The following CLEC17A variants were observed in gnomAD, a reference collection of about 807,000 sequenced individuals.
CLEC17A encodes the protein C-type lectin domain containing 17A, also known as C-type lectin domain family 17, member A.
CLEC17A carries 37 observed loss-of-function variants against 61.3 expected under a neutral mutation model. That is an observed-to-expected ratio of 0.60 (90% CI 0.46 to 0.79). The LOEUF is 0.79. Ranked by LOEUF, CLEC17A falls within the 30% of genes least tolerant of loss-of-function variation. The pLI, the probability that CLEC17A is intolerant of heterozygous loss-of-function variation, is 0.00. For missense variants in CLEC17A, 418 were observed against 464.7 expected (o/e 0.90, Z 0.92); for synonymous variants, 168 against 164.9 (o/e 1.02, Z -0.14).
intron 2 of CLEC17A, among the ~76,000 whole-genome samples, chr19:14,584,893 G>A (rs2074251172): frequency 6.6e-6 from 1 of 151,482 alleles, no homozygotes; most frequent in African/African-American, 2.4e-5. Context: ...AACCTGGCAA[G>A]GACTCTGTTC....
chr19:14,597,613 T>C (rs929494197), intron 10 of CLEC17A, among the ~76,000 whole-genome samples: 3 of 152,106 alleles, frequency 2.0e-5, no homozygotes, highest in Non-Finnish European at 4.4e-5. Context: ...TGGTGTGTGC[T>C]TGTCATCCCA....
In CLEC17A at chr19:14,610,712, A is replaced by G. The variant is rs2075023560; in HGVS notation, c.*516A>G. The G allele has an allele frequency of 6.4e-6, 1 of 155,808 alleles. No individual in the cohort carries two copies. The highest frequency in any genetic ancestry group is 2.4e-5 in the African/African-American group (1 of 41,412). 9.7% of individuals were successfully genotyped at this position (155,808 alleles called of 1,614,324 possible). ...TTTTTTGTAGCATTTAAAGAGAGGG[A>G]GTCTCACTATGTTGCCCAGGCCAGT... is the stretch of plus-strand genomic sequence containing the variant. On this transcript the variant is annotated 3_prime_UTR_variant, in exon 14 of 14. Coordinates refer to ENST00000417570, the MANE Select transcript of CLEC17A (RefSeq NM_001204118.2).
intron 8 of CLEC17A, among the ~76,000 whole-genome samples, chr19:14,596,232 C>A (rs1299985153): frequency 6.6e-6 from 1 of 151,976 alleles, no homozygotes; most frequent in Non-Finnish European, 1.5e-5. Context: ...AAGAACAAAG[C>A]TGTGTCCAAG....
At chr19:14,584,309 G>A (rs1460498054) in intron 2 of CLEC17A, 1 of 152,114 alleles carries the variant, frequency 6.6e-6, no homozygotes, top group Non-Finnish European at 1.5e-5. Context: ...GGAGCAGTTC[G>A]ACACCCCCAA....
At chr19:14,593,748 C>A (rs1025510891) in intron 4 of CLEC17A, among the ~76,000 whole-genome samples, 3 of 149,900 alleles carry the variant, frequency 2.0e-5, no homozygotes, top group Admixed American at 2.0e-4. Flanking sequence ...ATCACGAGGT[C>A]AGGAGATTGA....
chr19:14,592,425 T>C, intron 4 of CLEC17A, 67 bp downstream of exon 4: 3 of 1,598,554 alleles, frequency 1.9e-6, no homozygotes, highest in Non-Finnish European at 2.6e-6. Context: ...AGGCATTGGC[T>C]GGGCATTGTA....
At chr19:14,588,886 G>T (rs2074352632) in intron 3 of CLEC17A, among the ~76,000 whole-genome samples, 1 of 151,862 alleles carries the variant, frequency 6.6e-6, no homozygotes, top group African/African-American at 2.4e-5. Flanking sequence ...CCAGAAATAT[G>T]GTGGGACTTG....
At chr19:14,601,376 A>C (rs2074713264) in intron 12 of CLEC17A, among the ~76,000 whole-genome samples, 1 of 152,176 alleles carries the variant, frequency 6.6e-6, no homozygotes, top group Non-Finnish European at 1.5e-5. Flanking sequence ...CCTCCGTGCA[A>C]CCAGAAGGAG....
intron 10 of CLEC17A, among the ~76,000 whole-genome samples, chr19:14,598,321 TCTCTCA>T (rs1295655133): frequency 6.1e-5 from 9 of 148,334 alleles, no homozygotes; most frequent in African/African-American, 2.4e-4. Context: ...TCTCTCTCTC[TCTCTCA>T]CTATCTCTTT....
chr19:14,608,634 T>A (rs905269721), intron 13 of CLEC17A, among the ~76,000 whole-genome samples: 1 of 131,394 alleles, frequency 7.6e-6, no homozygotes, highest in Admixed American at 7.1e-5. Context: ...AAGAATTTTT[T>A]TTTTTTTTTT....
chr19:14,604,334 A>C (rs10401455), intron 12 of CLEC17A, among the ~76,000 whole-genome samples: 41,092 of 151,806 alleles, frequency 0.27, 5,784 homozygotes, highest in South Asian at 0.31. Context: ...CACATTTATT[A>C]TTTCCTTCCC....
At chr19:14,598,162 A>G (rs574647994) in intron 10 of CLEC17A, among the ~76,000 whole-genome samples, 2 of 152,150 alleles carry the variant, frequency 1.3e-5, no homozygotes, top group Non-Finnish European at 2.9e-5. Context: ...GCATTCAAGG[A>G]TCCACATATT....
intron 3 of CLEC17A, among the ~76,000 whole-genome samples, chr19:14,590,234 C>T (rs2074375797): frequency 6.6e-6 from 1 of 151,682 alleles, no homozygotes; most frequent in South Asian, 2.1e-4. Context: ...CCCTTAACAT[C>T]TTGTTACAAA....
chr19:14,594,720 C>A, intron 6 of CLEC17A, 38 bp downstream of exon 6: 1 of 1,614,006 alleles, frequency 6.2e-7, no homozygotes, highest in Non-Finnish European at 8.5e-7. Flanking sequence ...GCTCACCTGG[C>A]TGAAGCCCTT....
chr19:14,602,121 A>C (rs1408950968), intron 12 of CLEC17A, among the ~76,000 whole-genome samples: 1 of 151,978 alleles, frequency 6.6e-6, no homozygotes, highest in Non-Finnish European at 1.5e-5. Flanking sequence ...TTGTAGAGAC[A>C]GGGTCTTGCT....
chr19:14,605,879 T>C (rs1421902061), intron 12 of CLEC17A, among the ~76,000 whole-genome samples: 1 of 152,050 alleles, frequency 6.6e-6, no homozygotes, highest in Non-Finnish European at 1.5e-5. Context: ...GCTGGGACTA[T>C]AGACACGCAC....
chr19:14,604,939 G>A (rs896165737), intron 12 of CLEC17A, among the ~76,000 whole-genome samples: 3 of 151,986 alleles, frequency 2.0e-5, no homozygotes, highest in South Asian at 4.2e-4. Context: ...AAGCTGGGGC[G>A]AGTGTTACTC....
chr19:14,581,422 C>T (rs1472170479), upstream of CLEC17A, among the ~76,000 whole-genome samples: 1 of 152,112 alleles, frequency 6.6e-6, no homozygotes, highest in East Asian at 1.9e-4. Flanking sequence ...CTCCCGGGTT[C>T]AAGCGATTCT....
At chr19:14,582,969 G>T, upstream of CLEC17A, 1 of 485,966 alleles carries the variant, frequency 2.1e-6, no homozygotes, top group Non-Finnish European at 3.8e-6. Context: ...GTGTGTATGT[G>T]TGTGTGTGTG....
Sources: gnomAD v4.1 joint callset for allele counts (sites outside exome capture counted in the v4.1 genomes callset) on GRCh38, gnomAD v4.1.1 for gene constraint, MANE v1.5 for transcripts, NCBI Gene and HGNC (gene_info 2026-07-23, HGNC 2026-07-21) for gene names.